The following SPAG16 variants were observed in gnomAD, a reference collection of about 807,000 sequenced individuals.
SPAG16 encodes sperm associated antigen 16.
In SPAG16, 86 loss-of-function variants were observed where a neutral mutation model predicts 80.4. The observed-to-expected ratio is 1.07, with a 90% CI of 0.90 to 1.28. SPAG16 has a LOEUF of 1.28. SPAG16 is among the 50% of genes most tolerant of loss of function. The probability of loss-of-function intolerance (pLI) is 0.00; values close to 1 mark genes in which losing one functional copy is unlikely to be tolerated. For missense variants in SPAG16, 870 were observed against 765.3 expected, an observed-to-expected ratio of 1.14 and a Z score of -1.61; for synonymous variants, 294 against 265.9, an observed-to-expected ratio of 1.11 and a Z score of -1.03.
At chr2:214,135,711 C>G (rs2055011509) in intron 14 of SPAG16, among the ~76,000 whole-genome samples, 1 of 141,236 alleles carries the variant, frequency 7.1e-6, no homozygotes, top group African/African-American at 2.8e-5. Flanking sequence ...CTCTCTCTCT[C>G]TCTGTCTCTC....
At chr2:214,183,287 A>G (rs550388468) in intron 15 of SPAG16, among the ~76,000 whole-genome samples, 75 of 152,038 alleles carry the variant, frequency 4.9e-4, no homozygotes, top group African/African-American at 1.8e-3. Context: ...ACTATGCCCT[A>G]TTATAGACAG....
intron 3 of SPAG16, among the ~76,000 whole-genome samples, chr2:213,307,238 G>T (rs2062977046): frequency 6.7e-6 from 1 of 149,644 alleles, no homozygotes. Context: ...AAGTTTTAGG[G>T]TACATGTGCA....
intron 15 of SPAG16, among the ~76,000 whole-genome samples, chr2:214,305,935 G>A (rs1245336120): frequency 6.6e-6 from 1 of 151,946 alleles, no homozygotes; most frequent in African/African-American, 2.4e-5. Context: ...AGTATGATAG[G>A]AATAGCATTT....
intron 10 of SPAG16, among the ~76,000 whole-genome samples, chr2:213,583,478 A>T (rs2060361533): frequency 6.6e-6 from 1 of 152,178 alleles, no homozygotes; most frequent in African/African-American, 2.4e-5. Context: ...GAAATGACAG[A>T]AGGTAGAAGA....
rs201944611 is a variant in SPAG16 at position 213,534,368 on chromosome 2, T to C, written c.1070+44278T>C. 1.2e-4 allele frequency among the ~76,000 whole-genome samples: 18 copies of C among 152,218 alleles called. 1 individual carries two copies. The East Asian group carries it at 3.1e-3, about 26-fold the overall frequency. On this transcript the variant is annotated intron_variant, in intron 10 of 15. Transcript: ENST00000331683. ...TTAAACACACATCTACTTTATTATCTAGCAACTTTATGCATAAGTATATAC... is the reference window on the plus strand; with the variant it reads ...TTAAACACACATCTACTTTATTATCCAGCAACTTTATGCATAAGTATATAC...
At chr2:213,954,604 C>A (rs1404728035) in intron 12 of SPAG16, among the ~76,000 whole-genome samples, 1 of 151,914 alleles carries the variant, frequency 6.6e-6, no homozygotes, top group Non-Finnish European at 1.5e-5. Context: ...CCTATCAACC[C>A]GTCATCTAGG....
At chr2:214,023,483 A>G (rs1325533617) in intron 13 of SPAG16, among the ~76,000 whole-genome samples, 1 of 151,820 alleles carries the variant, frequency 6.6e-6, no homozygotes, top group Non-Finnish European at 1.5e-5. Flanking sequence ...CATATCATTT[A>G]CATTTGTCAT....
intron 15 of SPAG16, among the ~76,000 whole-genome samples, chr2:214,356,058 A>C (rs1698777178): frequency 6.7e-6 from 1 of 149,430 alleles, no homozygotes; most frequent in African/African-American, 2.5e-5. Flanking sequence ...GCATTAGGAG[A>C]TATACCTAAT....
chr2:213,296,866 A>C (rs1350485015), intron 2 of SPAG16, among the ~76,000 whole-genome samples: 1 of 152,222 alleles, frequency 6.6e-6, no homozygotes, highest in Non-Finnish European at 1.5e-5. Flanking sequence ...TTTAATGCTC[A>C]GTGAGTTTTA....
At chr2:214,063,665 C>T (rs1471538540) in intron 13 of SPAG16, among the ~76,000 whole-genome samples, 1 of 152,180 alleles carries the variant, frequency 6.6e-6, no homozygotes, top group Non-Finnish European at 1.5e-5. Context: ...GACAGTAACA[C>T]AGCCTTTGCA....
rs371122324 is a variant in SPAG16 at position 214,080,550 on chromosome 2, G to A, written c.1528-27646G>A. ...GTGAACCTGGGAGGCAGAGCTTGCA[G>A]TGAGCTGAGATCACGCCTCTGCACT... is the stretch of plus-strand genomic sequence containing the variant. On this transcript the variant is annotated intron_variant, in intron 13 of 15. Transcript: ENST00000331683. Among the ~76,000 whole-genome samples the A allele has an allele frequency of 2.0e-5, 3 of 150,160 alleles. No homozygotes were observed. The East Asian group carries it at 5.9e-4, about 29-fold the overall frequency.
At chr2:213,320,533 C>A (rs2063570832) in intron 5 of SPAG16, among the ~76,000 whole-genome samples, 1 of 151,810 alleles carries the variant, frequency 6.6e-6, no homozygotes, top group Admixed American at 6.6e-5. Flanking sequence ...ATCCATTAAC[C>A]AATTTCTCTT....
In SPAG16 at chr2:214,224,971, CAAG is replaced by C. The variant is rs550632071; in HGVS notation, c.1720+75710_1720+75712del. ...TAACAGATAATGGTTGCTGTTGAAA[CAAG>C]AAGAGATTGGATTGCTAACAGAGGG... On this transcript the variant is annotated intron_variant, in intron 15 of 15. Transcript: ENST00000331683. Among the ~76,000 whole-genome samples the C allele has an allele frequency of 4.3e-4, 65 of 152,184 alleles. No homozygotes were observed. In the South Asian group the frequency reaches 6.2e-3, roughly 15 times the overall value.
chr2:213,342,946 A>C (rs556151224), intron 6 of SPAG16, among the ~76,000 whole-genome samples: 1 of 151,996 alleles, frequency 6.6e-6, no homozygotes, highest in African/African-American at 2.4e-5. Context: ...GGTGGCTTTC[A>C]GAGCTGAGGA....
rs371483895 is a variant in SPAG16, at chr2:214,337,288, CTTA to C, written c.1721-72848_1721-72846del. On this transcript the variant is annotated intron_variant, in intron 15 of 15. Transcript: ENST00000331683. ...GTTGTAAAAATACTGAAGTCACAAACTTATTAAGAAATCCACTCCCTAGAATCT... is the reference window on the plus strand; with the variant it reads ...GTTGTAAAAATACTGAAGTCACAAACTTAAGAAATCCACTCCCTAGAATCT... Among the ~76,000 whole-genome samples, 549 of 152,236 alleles carry C rather than the reference CTTA, an allele frequency of 3.6e-3. 3 individuals are homozygous for C. Among genetic ancestry groups the C allele is most frequent in the African/African-American group, 0.012 (515 of 41,532 alleles).
At chr2:213,459,059 G>T (rs1025479658) in intron 9 of SPAG16, among the ~76,000 whole-genome samples, 1 of 151,994 alleles carries the variant, frequency 6.6e-6, no homozygotes, top group African/African-American at 2.4e-5. Context: ...CATTTTTGAA[G>T]AATTTCTCCC....
chr2:214,135,603 A>T (rs2055005093), intron 14 of SPAG16, among the ~76,000 whole-genome samples: 1 of 152,174 alleles, frequency 6.6e-6, no homozygotes, highest in South Asian at 2.1e-4. Flanking sequence ...ATCTCTCATG[A>T]ATAGATTAAT....
chr2:214,215,600 A>C (rs551123825), intron 15 of SPAG16, among the ~76,000 whole-genome samples: 1 of 152,174 alleles, frequency 6.6e-6, no homozygotes, highest in African/African-American at 2.4e-5. Context: ...GTGACAGTGA[A>C]ATTACTGAAG....
chr2:213,601,850 T>A (rs1574454187), intron 10 of SPAG16, among the ~76,000 whole-genome samples: 1 of 152,300 alleles, frequency 6.6e-6, no homozygotes, highest in Non-Finnish European at 1.5e-5. Flanking sequence ...GTCCTCAACC[T>A]TTTTGGCACT....
Sources: gnomAD v4.1 joint callset for allele counts (sites outside exome capture counted in the v4.1 genomes callset) on GRCh38, gnomAD v4.1.1 for gene constraint, MANE v1.5 for transcripts, NCBI Gene and HGNC (gene_info 2026-07-23, HGNC 2026-07-21) for gene names.